Variants in THRA observed in about 807,000 individuals in gnomAD.
THRA encodes thyroid hormone receptor alpha, also known as EAR-7.
THRA carries 13 observed loss-of-function variants against 45.0 expected under a neutral mutation model. The observed-to-expected ratio is 0.29, with a 90% CI of 0.19 to 0.46. The LOEUF is 0.46. THRA is among the 20% of genes least tolerant of loss of function. THRA has a pLI of 1.00. For missense variants in THRA, 278 were observed against 556.1 expected, an observed-to-expected ratio of 0.50 and a Z score of 5.03; for synonymous variants, 195 against 214.0, an observed-to-expected ratio of 0.91 and a Z score of 0.78.
intron 4 of THRA, among the ~76,000 whole-genome samples, chr17:40,082,207 CTTTT>C (rs770974952): frequency 6.3e-5 from 5 of 78,784 alleles, no homozygotes; most frequent in Middle Eastern, 9.1e-3. Flanking sequence ...CTTGGATTTC[CTTTT>C]TTTTTTTTTT....
In THRA at chr17:40,090,063, G is replaced by A; in HGVS notation, c.*607G>A. The A allele has an allele frequency of 1.0e-6, 1 of 981,342 alleles. No homozygotes were observed. Among genetic ancestry groups the A allele is most frequent in the Non-Finnish European group, 1.2e-6 (1 of 825,656 alleles). 60.8% of individuals were successfully genotyped at this position (981,342 alleles called of 1,614,324 possible). ...GAAAAATACAAAAAAGAGAGAGCGA[G>A]CGATAGAGAGAGATGATATTAAGTT... is the stretch of plus-strand genomic sequence containing the variant. On this transcript the variant is annotated 3_prime_UTR_variant, in exon 9 of 9. Transcript: ENST00000450525.
intron 2 of THRA, among the ~76,000 whole-genome samples, chr17:40,076,023 G>A (rs188493479): frequency 6.6e-6 from 1 of 152,350 alleles, no homozygotes; most frequent in East Asian, 1.9e-4. Flanking sequence ...TTGCATGCAT[G>A]TAGAGGGCTT....
Position 40,091,264 on chromosome 17 carries a change from A to ACACG in THRA, c.*1811_*1812insGCAC, listed in dbSNP as rs1555545357. 3 of 155,604 alleles carry ACACG rather than the reference A, an allele frequency of 1.9e-5. No homozygotes were observed. Among genetic ancestry groups the ACACG allele is most frequent in the African/African-American group, 7.3e-5 (3 of 40,852 alleles). The allele number at this position is 155,604 out of a possible 1,614,324, so 9.6% of individuals were successfully genotyped here. ...CACACACACACACACACACACACAC[A>ACACG]CACACACGGACATGCACACACGGAC... is the stretch of plus-strand genomic sequence containing the variant. On this transcript the variant is annotated 3_prime_UTR_variant, in exon 9 of 9. Coordinates refer to ENST00000450525, the MANE Select transcript of THRA (RefSeq NM_199334.5).
At chr17:40,067,471 C>T (rs560909201) in intron 1 of THRA, among the ~76,000 whole-genome samples, 1 of 152,328 alleles carries the variant, frequency 6.6e-6, no homozygotes, top group African/African-American at 2.4e-5. Context: ...CCCTGCCCTC[C>T]ATGGAGTGGT....
At chr17:40,072,383 C>T (rs1379260480) in intron 1 of THRA, among the ~76,000 whole-genome samples, 3 of 152,208 alleles carry the variant, frequency 2.0e-5, no homozygotes, top group Non-Finnish European at 4.4e-5. Context: ...AGCATGCCCA[C>T]TCCTGTGCTT....
intron 2 of THRA, among the ~76,000 whole-genome samples, 158 bp from the exon 3 acceptor site, chr17:40,076,713 C>T (rs1373614615): frequency 6.6e-6 from 1 of 152,062 alleles, no homozygotes; most frequent in Non-Finnish European, 1.5e-5. Context: ...GATAACTGGA[C>T]CCTTTTAAGC....
rs952841488 is a variant in THRA at position 40,092,196 on chromosome 17, G to C, written c.*2740G>C. The C allele has an allele frequency of 2.0e-5, 3 of 152,234 alleles. No homozygotes were observed. The highest frequency in any genetic ancestry group is 2.0e-4 in the Admixed American group (3 of 15,280). The allele number at this position is 152,234 out of a possible 1,614,324, so 9.4% of individuals were successfully genotyped here. A position where few individuals can be genotyped will look rare whatever the true frequency, so the allele number is the denominator to read the frequency against. ...CTCCCTGCTCAGACTTGGGGAGGGT[G>C]GGGGAGGAGCCCCTACCCCTTCTCC... On this transcript the variant is annotated 3_prime_UTR_variant, in exon 9 of 9. Coordinates refer to ENST00000450525, the MANE Select transcript of THRA (RefSeq NM_199334.5).
At chr17:40,078,025 T>A (rs1469045172) in intron 4 of THRA, among the ~76,000 whole-genome samples, 2 of 152,220 alleles carry the variant, frequency 1.3e-5, no homozygotes, top group Non-Finnish European at 2.9e-5. Flanking sequence ...ATTCATTTAC[T>A]CATTCATAAC....
chr17:40,092,769 C>A lies in THRA; in HGVS notation c.*3313C>A. 4.7e-6 allele frequency: 2 copies of A among 426,842 alleles called. No individual in the cohort carries two copies. The highest frequency in any genetic ancestry group is 8.0e-6 in the Non-Finnish European group (2 of 248,886). The allele number at this position is 426,842 out of a possible 1,614,324, so 26.4% of individuals were successfully genotyped here. On this transcript the variant is annotated 3_prime_UTR_variant, in exon 9 of 9. Transcript: ENST00000450525. ...CAGTATTTCCACCCCACCCCCCAAA[C>A]GAGCACACACCACAGAAGCCAGCTC...
chr17:40,079,174 A>G (rs1389037139), intron 4 of THRA, among the ~76,000 whole-genome samples: 12 of 152,200 alleles, frequency 7.9e-5, no homozygotes, highest in Admixed American at 7.2e-4. Flanking sequence ...CTGGGAGCAC[A>G]GAGGAGAAGA....
chr17:40,084,701 G>A lies in THRA; in HGVS notation c.462G>A (p.Leu154=), dbSNP rs745653611. The A allele has an allele frequency of 1.2e-6, 2 of 1,614,102 alleles. No individual in the cohort carries two copies. Among genetic ancestry groups the A allele is most frequent in the South Asian group, 2.2e-5 (2 of 91,090 alleles). Residue 154 remains leucine, a synonymous_variant, in exon 6 of 9, where the codon CTG becomes CTA. Transcript: ENST00000450525. ...GGAAGGAGGAGATGATCCGATCACTGCAGCAGCGACCAGAGCCCACTCCTG... is the reference window on the plus strand; with the variant it reads ...GGAAGGAGGAGATGATCCGATCACTACAGCAGCGACCAGAGCCCACTCCTG... ...RRRKEEMIRS[L]QQRPEPTPEE...
intron 5 of THRA, 132 bp from the exon 6 acceptor site, chr17:40,084,478 T>C: frequency 1.1e-6 from 1 of 950,660 alleles, no homozygotes; most frequent in South Asian, 1.6e-5. Context: ...TGCTAGGTGA[T>C]TTGGGAAGTC....
intron 1 of THRA, among the ~76,000 whole-genome samples, chr17:40,066,979 T>A (rs1268659278): frequency 6.6e-6 from 1 of 152,162 alleles, no homozygotes. Context: ...TTGTGATGGG[T>A]GAAGGAAGCT....
intron 4 of THRA, 85 bp downstream of exon 4, chr17:40,077,693 A>T: frequency 8.9e-7 from 1 of 1,117,720 alleles, no homozygotes; most frequent in Non-Finnish European, 1.3e-6. Flanking sequence ...CTGTTAGGTC[A>T]TCACTTTTTT....
intron 7 of THRA, among the ~76,000 whole-genome samples, chr17:40,087,372 C>G (rs1987365314): frequency 6.8e-6 from 1 of 148,090 alleles, no homozygotes; most frequent in Non-Finnish European, 1.5e-5. Flanking sequence ...AGACACACAC[C>G]TAGCACACAG....
intron 7 of THRA, 142 bp downstream of exon 7, chr17:40,086,995 C>CACACAG: frequency 1.2e-6 from 1 of 859,286 alleles, no homozygotes. Flanking sequence ...CATACACAGA[C>CACACAG]ACACACACAC....
intron 1 of THRA, among the ~76,000 whole-genome samples, chr17:40,068,204 G>A (rs1486198662): frequency 6.6e-6 from 1 of 152,206 alleles, no homozygotes; most frequent in African/African-American, 2.4e-5. Flanking sequence ...TTCACTAGTC[G>A]TATGACTTTG....
intron 4 of THRA, among the ~76,000 whole-genome samples, chr17:40,082,679 G>A (rs948986911): frequency 5.3e-5 from 8 of 150,670 alleles, no homozygotes; most frequent in Non-Finnish European, 1.0e-4. Context: ...GGACCCCGCC[G>A]TGGTTCCACC....
Position 40,074,224 on chromosome 17 carries a change from C to T in THRA, c.-265C>T, listed in dbSNP as rs571657658. 1 of 512,568 alleles carries T rather than the reference C, an allele frequency of 2.0e-6. No individual in the cohort carries two copies. 31.8% of individuals were successfully genotyped at this position (512,568 alleles called of 1,614,324 possible). A position where few individuals can be genotyped will look rare whatever the true frequency, so the allele number is the denominator to read the frequency against. ...TGGACAGGACAAGACTCCGAAGCTACTCCCCCAGCACACAGCCCGGGACCC... is the reference window on the plus strand; with the variant it reads ...TGGACAGGACAAGACTCCGAAGCTATTCCCCCAGCACACAGCCCGGGACCC... On this transcript the variant is annotated 5_prime_UTR_variant, in exon 2 of 9. Transcript: ENST00000450525.
Sources: gnomAD v4.1 joint callset for allele counts (sites outside exome capture counted in the v4.1 genomes callset) on GRCh38, gnomAD v4.1.1 for gene constraint, MANE v1.5 for transcripts, NCBI Gene and HGNC (gene_info 2026-07-23, HGNC 2026-07-21) for gene names.